The following IQCF3 variants were observed in gnomAD, a reference collection of about 807,000 sequenced individuals.
IQCF3 encodes IQ motif containing F3.
In IQCF3, 7 loss-of-function variants were observed where a neutral mutation model predicts 5.1. The ratio of observed to expected loss-of-function variants is 1.36; its 90% CI spans 0.78 to 2.56. The LOEUF (loss-of-function observed/expected upper bound fraction) is 2.56. Ranked by LOEUF, IQCF3 falls within the 30% of genes most tolerant of loss-of-function variation. The pLI is 0.00. For missense variants in IQCF3, 189 were observed against 196.5 expected (o/e 0.96, Z 0.23); for synonymous variants, 82 against 72.8 (o/e 1.13, Z -0.64).
upstream of IQCF3, chr3:51,829,422 G>C: frequency 1.9e-6 from 3 of 1,576,284 alleles, no homozygotes; most frequent in Non-Finnish European, 2.6e-6. Context: ...CCCCTGCCAA[G>C]ATCAGGAAAC....
Sources: gnomAD v4.1 joint callset for allele counts on GRCh38, gnomAD v4.1.1 for gene constraint, MANE v1.5 for transcripts, NCBI Gene and HGNC (gene_info 2026-07-23, HGNC 2026-07-21) for gene names.